MYO3A: variants seen among roughly 807,000 people sequenced by gnomAD.
The protein encoded by MYO3A is myosin-IIIa.
MYO3A carries 180 observed loss-of-function variants against 192.7 expected under a neutral mutation model. That is an observed-to-expected ratio of 0.93 (90% CI 0.83 to 1.06). The LOEUF (loss-of-function observed/expected upper bound fraction) is 1.06. Among genes scored for constraint, MYO3A ranks in the 50% least tolerant of loss-of-function variants. MYO3A has a pLI of 0.00. For synonymous variants in MYO3A, 628 were observed against 645.3 expected (o/e 0.97, Z 0.41); for missense variants, 1,896 against 1,905.0 (o/e 1.00, Z 0.09).
At position 26,174,115 on chromosome 10, in the gene MYO3A, C is replaced by T; in HGVS notation, c.3851C>T (p.Thr1284Ile). Residue 1284 changes from threonine to isoleucine, a missense_variant, in exon 30 of 35, where the codon ACT becomes ATT. Physicochemically the swap from Thr to Ile is moderately conservative, Grantham distance 89. Coordinates refer to ENST00000642920, the MANE Select transcript of MYO3A (RefSeq NM_017433.5). ...LAENETSFKK[T>I]LEPTLSQRSI... is the part of the protein sequence containing the mutation. Reference sequence around the variant, plus strand: ...GAAAATGAGACTTCCTTTAAAAAAACTTTGGAACCTACACTTAGCCAAAGG... The same window carrying T: ...GAAAATGAGACTTCCTTTAAAAAAATTTTGGAACCTACACTTAGCCAAAGG... The T allele has an allele frequency of 1.2e-6, 2 of 1,614,150 alleles. No individual in the cohort carries two copies. The highest frequency in any genetic ancestry group is 1.7e-6 in the Non-Finnish European group (2 of 1,180,026).
chr10:26,127,879 A>G (rs1056394099), intron 19 of MYO3A, among the ~76,000 whole-genome samples: 1 of 152,008 alleles, frequency 6.6e-6, no homozygotes, highest in African/African-American at 2.4e-5. Flanking sequence ...CATTTGTTCT[A>G]TATTAAAAAA....
intron 4 of MYO3A, among the ~76,000 whole-genome samples, chr10:25,977,997 C>A (rs79473419): frequency 0.064 from 9,721 of 151,992 alleles, 400 homozygotes; most frequent in Non-Finnish European, 0.094. Context: ...AAATCTCTGG[C>A]TTCTAATGTG....
chr10:26,193,189 ATCACC>A lies in MYO3A; in HGVS notation c.4439-14_4439-10del. On this transcript the variant is annotated splice_polypyrimidine_tract_variant and intron_variant, in intron 31 of 34. Transcript: ENST00000642920. ...ATTTGTAATTAAATACTTGTTTATG[ATCACC>A]TTTCTTATAGGTGTCTGTAAAGGAG... 6.4e-7 allele frequency: 1 copy of A among 1,561,394 alleles called. No individual in the cohort carries two copies. The highest frequency in any genetic ancestry group is 8.8e-7 in the Non-Finnish European group (1 of 1,132,270).
At chr10:26,192,073 G>A (rs1843164906) in intron 31 of MYO3A, among the ~76,000 whole-genome samples, 1 of 152,052 alleles carries the variant, frequency 6.6e-6, no homozygotes, top group African/African-American at 2.4e-5. Flanking sequence ...CGGTGGATGG[G>A]GTGGTCAAGA....
chr10:25,945,275 A>C (rs1401954856), intron 2 of MYO3A, among the ~76,000 whole-genome samples: 2 of 152,098 alleles, frequency 1.3e-5, no homozygotes, highest in East Asian at 3.8e-4. Flanking sequence ...TAAGGCTTGT[A>C]ATGCAGTCAA....
intron 6 of MYO3A, among the ~76,000 whole-genome samples, chr10:26,004,156 T>G (rs2130949961): frequency 6.6e-6 from 1 of 151,870 alleles, no homozygotes. Flanking sequence ...TGGCAGGGAG[T>G]GTTGGGTCCC....
At chr10:26,145,379 T>A in intron 21 of MYO3A, 67 bp from the exon 22 acceptor site, 1 of 1,110,292 alleles carries the variant, frequency 9.0e-7, no homozygotes, top group Non-Finnish European at 1.4e-6. Flanking sequence ...TTATGGTAAA[T>A]AATTTTCGCA....
At chr10:26,154,857 G>T in intron 25 of MYO3A, 34 bp downstream of exon 25, 1 of 1,561,692 alleles carries the variant, frequency 6.4e-7, no homozygotes, top group South Asian at 1.1e-5. Flanking sequence ...TTGTGCTTAG[G>T]GGTGCTATTT....
At chr10:26,179,089 A>ATTTTTTTTTTTT (rs59025321) in intron 31 of MYO3A, among the ~76,000 whole-genome samples, 3 of 66,136 alleles carry the variant, frequency 4.5e-5, no homozygotes, top group African/African-American at 6.9e-5. Context: ...GCCCAGCCTA[A>ATTTTTTTTTTTT]TTTTTTTTTT....
intron 4 of MYO3A, among the ~76,000 whole-genome samples, chr10:25,956,627 T>G (rs983695182): frequency 1.3e-5 from 2 of 151,764 alleles, no homozygotes; most frequent in African/African-American, 4.8e-5. Context: ...TCCATTATGG[T>G]TTTTAAATGA....
intron 31 of MYO3A, among the ~76,000 whole-genome samples, chr10:26,183,034 T>C (rs1026172656): frequency 2.0e-5 from 3 of 152,134 alleles, no homozygotes; most frequent in Admixed American, 6.5e-5. Context: ...CCATGCGAGA[T>C]GACAGCCCAA....
chr10:26,151,947 C>G (rs1276905050), intron 23 of MYO3A, among the ~76,000 whole-genome samples: 1 of 152,216 alleles, frequency 6.6e-6, no homozygotes, highest in East Asian at 1.9e-4. Context: ...GAAGGTTAAT[C>G]TAGTCGGTGT....
In MYO3A at chr10:26,076,134, G is replaced by A. The variant is rs796973176; in HGVS notation, c.1359+5733G>A. ...CACCAGCAGTGTAGAAGTGTTCTCT[G>A]TTCACCACATCCACACCAACATCTG... On this transcript the variant is annotated intron_variant, in intron 14 of 34. Coordinates refer to ENST00000642920, the MANE Select transcript of MYO3A (RefSeq NM_017433.5). Among the ~76,000 whole-genome samples the A allele has an allele frequency of 5.9e-5, 9 of 152,022 alleles. No homozygotes were observed. The South Asian group carries it at 1.9e-3, about 32-fold the overall frequency.
intron 6 of MYO3A, among the ~76,000 whole-genome samples, chr10:25,999,847 G>A (rs376998133): frequency 7.2e-5 from 11 of 152,154 alleles, no homozygotes; most frequent in South Asian, 6.2e-4. Flanking sequence ...GCTCATCCTC[G>A]AGTCTTCCCT....
chr10:26,084,802 G>A (rs1178673758), intron 14 of MYO3A, among the ~76,000 whole-genome samples: 1 of 152,150 alleles, frequency 6.6e-6, no homozygotes, highest in Non-Finnish European at 1.5e-5. Context: ...CACTATGCCT[G>A]GCCTAGCTCT....
chr10:25,939,658 A>T (rs962042179), intron 2 of MYO3A, among the ~76,000 whole-genome samples: 1 of 151,916 alleles, frequency 6.6e-6, no homozygotes, highest in Non-Finnish European at 1.5e-5. Context: ...ACTTAATTGC[A>T]TTGCAATCAT....
At chr10:26,179,605 G>T (rs577631123) in intron 31 of MYO3A, among the ~76,000 whole-genome samples, 27 of 152,256 alleles carry the variant, frequency 1.8e-4, no homozygotes, top group South Asian at 1.7e-3. Flanking sequence ...CTTACTGTAT[G>T]ATGATGTGGC....
chr10:25,970,470 G>C (rs1838562437), intron 4 of MYO3A, among the ~76,000 whole-genome samples: 1 of 151,840 alleles, frequency 6.6e-6, no homozygotes, highest in Non-Finnish European at 1.5e-5. Context: ...GCACCTCCCT[G>C]TAATGTATAT....
At chr10:26,181,272 G>A (rs1842606050) in intron 31 of MYO3A, among the ~76,000 whole-genome samples, 1 of 152,142 alleles carries the variant, frequency 6.6e-6, no homozygotes, top group African/African-American at 2.4e-5. Flanking sequence ...ACCAAATGAA[G>A]CCAGATGCTA....
Sources: gnomAD v4.1 joint callset for allele counts (sites outside exome capture counted in the v4.1 genomes callset) on GRCh38, gnomAD v4.1.1 for gene constraint, MANE v1.5 for transcripts, NCBI Gene and HGNC (gene_info 2026-07-23, HGNC 2026-07-21) for gene names.